TEAD1: variants seen among roughly 807,000 people sequenced by gnomAD.
TEAD1 encodes the protein TEA domain transcription factor 1, also known as transcriptional enhancer factor TEF-1.
TEAD1 carries 9 observed loss-of-function variants against 54.9 expected under a neutral mutation model. The observed-to-expected ratio is 0.16, with a 90% CI of 0.10 to 0.29. TEAD1 has a LOEUF of 0.29. Among genes scored for constraint, TEAD1 ranks in the 10% least tolerant of loss-of-function variants. The pLI is 1.00. For missense variants in TEAD1, 387 were observed against 535.9 expected, an observed-to-expected ratio of 0.72 and a Z score of 2.74; for synonymous variants, 200 against 187.8, an observed-to-expected ratio of 1.07 and a Z score of -0.53.
At chr11:12,847,008 G>A (rs1947167860) in intron 3 of TEAD1, among the ~76,000 whole-genome samples, 1 of 152,184 alleles carries the variant, frequency 6.6e-6, no homozygotes, top group African/African-American at 2.4e-5. Flanking sequence ...CAACACGACT[G>A]TGAGCTCCTT....
chr11:12,925,860 G>A (rs1018434693), intron 11 of TEAD1, among the ~76,000 whole-genome samples: 3 of 152,196 alleles, frequency 2.0e-5, no homozygotes, highest in African/African-American at 7.2e-5. Flanking sequence ...GATACCTTGA[G>A]TTTGATATTG....
At chr11:12,804,062 T>TA (rs1946119468) in intron 3 of TEAD1, among the ~76,000 whole-genome samples, 1 of 152,268 alleles carries the variant, frequency 6.6e-6, no homozygotes, top group Non-Finnish European at 1.5e-5. Flanking sequence ...GGTCCAGTGA[T>TA]AAAATAGTAG....
intron 3 of TEAD1, among the ~76,000 whole-genome samples, chr11:12,806,544 CCAG>C (rs1946176857): frequency 6.6e-6 from 1 of 152,144 alleles, no homozygotes; most frequent in Non-Finnish European, 1.5e-5. Context: ...AGGAAGATGG[CCAG>C]AAGAAGACCA....
chr11:12,925,270 A>C (rs1397373355), intron 11 of TEAD1, among the ~76,000 whole-genome samples: 1 of 152,242 alleles, frequency 6.6e-6, no homozygotes, highest in Non-Finnish European at 1.5e-5. Flanking sequence ...AACAGGAAGC[A>C]TGATTTGGGG....
At chr11:12,916,007 T>C (rs1285597290) in intron 10 of TEAD1, among the ~76,000 whole-genome samples, 1 of 152,068 alleles carries the variant, frequency 6.6e-6, no homozygotes, top group Non-Finnish European at 1.5e-5. Flanking sequence ...TTTGATGGGG[T>C]GTATTTTTGT....
intron 9 of TEAD1, among the ~76,000 whole-genome samples, chr11:12,896,736 A>G (rs1421306116): frequency 6.6e-6 from 1 of 152,202 alleles, no homozygotes; most frequent in Non-Finnish European, 1.5e-5. Context: ...ATGAGAACAT[A>G]TATTTATTTG....
chr11:12,759,307 T>G (rs1945053599), intron 2 of TEAD1, among the ~76,000 whole-genome samples: 1 of 152,130 alleles, frequency 6.6e-6, no homozygotes, highest in South Asian at 2.1e-4. Flanking sequence ...TATAATAAAA[T>G]GTGTATTGGT....
chr11:12,861,930 G>C (rs1307591496), intron 3 of TEAD1, among the ~76,000 whole-genome samples: 1 of 151,624 alleles, frequency 6.6e-6, no homozygotes, highest in Non-Finnish European at 1.5e-5. Flanking sequence ...AGGTTGCCAT[G>C]AGCCAAGATC....
At chr11:12,818,625 C>A (rs550583536) in intron 3 of TEAD1, among the ~76,000 whole-genome samples, 7 of 152,278 alleles carry the variant, frequency 4.6e-5, no homozygotes, top group Middle Eastern at 3.4e-3. Flanking sequence ...CTCCCTTCTT[C>A]CCCTACATGG....
intron 12 of TEAD1, among the ~76,000 whole-genome samples, chr11:12,935,448 A>T (rs1590004880): frequency 6.6e-6 from 1 of 150,700 alleles, no homozygotes; most frequent in East Asian, 2.0e-4. Context: ...GCAATTATTT[A>T]TTTATTTATT....
intron 2 of TEAD1, among the ~76,000 whole-genome samples, chr11:12,704,635 C>T (rs1435259201): frequency 6.6e-5 from 10 of 152,210 alleles, no homozygotes; most frequent in East Asian, 3.8e-4. Flanking sequence ...GCATTAATCA[C>T]GTTGTCGTCT....
At chr11:12,754,367 A>G (rs776179404) in intron 2 of TEAD1, among the ~76,000 whole-genome samples, 10 of 152,196 alleles carry the variant, frequency 6.6e-5, no homozygotes, top group Non-Finnish European at 1.5e-4. Flanking sequence ...TTTGGGACTT[A>G]GAAATATCCA....
At chr11:12,773,749 A>G (rs2133938371) in intron 3 of TEAD1, among the ~76,000 whole-genome samples, 1 of 152,358 alleles carries the variant, frequency 6.6e-6, no homozygotes, top group African/African-American at 2.4e-5. Flanking sequence ...AAGCAAAAGA[A>G]CTTTTAGCAG....
At chr11:12,897,117 A>G (rs1331513273) in intron 9 of TEAD1, among the ~76,000 whole-genome samples, 2 of 152,072 alleles carry the variant, frequency 1.3e-5, no homozygotes, top group African/African-American at 2.4e-5. Flanking sequence ...CTTGATCCCA[A>G]ATGCCAGTTT....
At chr11:12,701,042 C>T (rs926502650) in intron 2 of TEAD1, among the ~76,000 whole-genome samples, 4 of 152,118 alleles carry the variant, frequency 2.6e-5, no homozygotes, top group Admixed American at 1.3e-4. Context: ...TAGCAGACCC[C>T]CTCTGGGACC....
chr11:12,864,662 C>T, intron 4 of TEAD1, 176 bp from the exon 5 acceptor site: 3 of 996,820 alleles, frequency 3.0e-6, no homozygotes, highest in South Asian at 2.6e-5. Flanking sequence ...GTTTTGTTTC[C>T]CCTCATAAAC....
intron 3 of TEAD1, among the ~76,000 whole-genome samples, chr11:12,814,906 C>CCCAT (rs1946385105): frequency 6.6e-6 from 1 of 151,884 alleles, no homozygotes; most frequent in African/African-American, 2.4e-5. Context: ...AGCGCACGCA[C>CCCAT]CCATCAGTGA....
intron 2 of TEAD1, among the ~76,000 whole-genome samples, chr11:12,679,252 C>T (rs2133808093): frequency 6.6e-6 from 1 of 152,286 alleles, no homozygotes; most frequent in Non-Finnish European, 1.5e-5. Context: ...TTGTTTAAAA[C>T]TGGTCTTTAC....
chr11:12,764,225 C>T lies in TEAD1; in HGVS notation c.-8C>T. ...CCAGGCTTCGGCTTGGAAAATCCCACCGCCAAAATTGAGCCCAGCAGCTGG... is the reference window on the plus strand; with the variant it reads ...CCAGGCTTCGGCTTGGAAAATCCCATCGCCAAAATTGAGCCCAGCAGCTGG... On this transcript the variant is annotated 5_prime_UTR_variant, in exon 3 of 13. Coordinates refer to ENST00000527636, the MANE Select transcript of TEAD1 (RefSeq NM_021961.6). 2 of 1,612,312 alleles carry T rather than the reference C, an allele frequency of 1.2e-6. No individual in the cohort carries two copies. Among genetic ancestry groups the T allele is most frequent in the Middle Eastern group, 1.7e-4 (1 of 5,926 alleles).
Sources: allele counts gnomAD v4.1 joint callset (sites outside exome capture counted in the v4.1 genomes callset), GRCh38; gene constraint gnomAD v4.1.1; transcripts MANE v1.5; gene names NCBI Gene and HGNC (gene_info 2026-07-23, HGNC 2026-07-21).